Variants in PDE1C observed in about 807,000 individuals in gnomAD.
PDE1C encodes the protein dual specificity calcium/calmodulin-dependent 3',5'-cyclic nucleotide phosphodiesterase 1C.
A neutral mutation model predicts 93.1 loss-of-function variants in PDE1C; 62 were observed. That is an observed-to-expected ratio of 0.67 (90% CI 0.54 to 0.82). PDE1C has a LOEUF of 0.82. Among genes scored for constraint, PDE1C ranks in the 40% least tolerant of loss-of-function variants. The probability of loss-of-function intolerance (pLI) is 0.00; values close to 1 mark genes in which losing one functional copy is unlikely to be tolerated. For synonymous variants in PDE1C, 325 were observed against 310.1 expected (o/e 1.05, Z -0.50); for missense variants, 742 against 884.6 (o/e 0.84, Z 2.04).
chr7:31,917,463 T>C (rs748536318), intron 2 of PDE1C, among the ~76,000 whole-genome samples: 6 of 152,178 alleles, frequency 3.9e-5, no homozygotes, highest in Non-Finnish European at 8.8e-5. Flanking sequence ...TATGTTTCAT[T>C]ACCCTGCCAA....
chr7:31,617,404 C>T, the PDE1C span, among the ~76,000 whole-genome samples: 8 of 152,148 alleles, frequency 5.3e-5, no homozygotes, highest in Admixed American at 5.2e-4. Flanking sequence ...CTGAGGTAGG[C>T]AAGAGAGTCA....
chr7:32,239,578 A>G (rs1431596000), intron 1 of PDE1C, among the ~76,000 whole-genome samples: 2 of 152,244 alleles, frequency 1.3e-5, no homozygotes, highest in African/African-American at 4.8e-5. Context: ...ACAAAAGTGG[A>G]AACTAAAATG....
chr7:31,968,173 C>G (rs942028549), intron 2 of PDE1C, among the ~76,000 whole-genome samples: 1 of 152,182 alleles, frequency 6.6e-6, no homozygotes, highest in African/African-American at 2.4e-5. Context: ...CAAATTGTCC[C>G]TGTTTGCAGA....
chr7:32,382,362 C>T (rs404296), intron 1 of PDE1C, among the ~76,000 whole-genome samples: 151,274 of 152,260 alleles, frequency 0.99, 75,156 homozygotes, highest in Middle Eastern at 1. Flanking sequence ...ATCCCTGTTT[C>T]ACTGTTCAGT....
exon 1 of PDE1C, chr7:32,298,877 T>TG: frequency 7.3e-7 from 1 of 1,373,296 alleles, no homozygotes; most frequent in African/African-American, 1.5e-5. Context: ...CGCCGCGCGC[T>TG]GGCAGCTGAG....
In PDE1C at chr7:31,753,367, C is replaced by G; in HGVS notation, c.*17G>C. 1 of 1,607,248 alleles carries G rather than the reference C, an allele frequency of 6.2e-7. No homozygotes were observed. The highest frequency in any genetic ancestry group is 8.5e-7 in the Non-Finnish European group (1 of 1,176,918). On this transcript the variant is annotated 3_prime_UTR_variant, in exon 18 of 18. Coordinates refer to ENST00000396191, the MANE Select transcript of PDE1C (RefSeq NM_001191057.4). ...ATAGGTAGACCCTCCTTCACTCCCT[C>G]TCTTCTTCCCCTCGGCCTATTTTCT...
At chr7:31,914,731 T>C (rs1002857375) in intron 2 of PDE1C, among the ~76,000 whole-genome samples, 4 of 152,200 alleles carry the variant, frequency 2.6e-5, no homozygotes, top group African/African-American at 9.7e-5. Flanking sequence ...TATAACATGA[T>C]TATCTTGAAT....
At chr7:31,840,631 T>C (rs1429883040) in intron 9 of PDE1C, among the ~76,000 whole-genome samples, 1 of 152,186 alleles carries the variant, frequency 6.6e-6, no homozygotes, top group Non-Finnish European at 1.5e-5. Context: ...GAGTATGGTA[T>C]GTGATAAGGG....
At chr7:31,838,988 T>G (rs1791469921) in intron 9 of PDE1C, among the ~76,000 whole-genome samples, 1 of 148,648 alleles carries the variant, frequency 6.7e-6, no homozygotes, top group South Asian at 2.1e-4. Flanking sequence ...AGTATATATT[T>G]CAAATATTTA....
chr7:31,707,085 C>A, the PDE1C span: 2 of 851,232 alleles, frequency 2.3e-6, no homozygotes, highest in East Asian at 2.8e-5. Context: ...TAGCAGGTAA[C>A]CTTGTAGACA....
chr7:32,377,861 AC>A (rs1201207539), intron 1 of PDE1C, among the ~76,000 whole-genome samples: 1 of 152,082 alleles, frequency 6.6e-6, no homozygotes, highest in Non-Finnish European at 1.5e-5. Flanking sequence ...CAGAGGAAAA[AC>A]CACTGGAGAC....
intron 9 of PDE1C, among the ~76,000 whole-genome samples, chr7:31,844,292 TAAAG>T (rs1471999212): frequency 5.3e-5 from 8 of 151,710 alleles, no homozygotes; most frequent in African/African-American, 1.9e-4. Context: ...GAAACTACCT[TAAAG>T]AAAGCTCTAA....
At chr7:32,185,931 T>G (rs1387056765) in intron 2 of PDE1C, among the ~76,000 whole-genome samples, 1 of 152,212 alleles carries the variant, frequency 6.6e-6, no homozygotes, top group Non-Finnish European at 1.5e-5. Context: ...GTCTAGAGAT[T>G]TGTTAATTTC....
chr7:31,739,599 T>C, the PDE1C span, among the ~76,000 whole-genome samples: 1 of 152,124 alleles, frequency 6.6e-6, no homozygotes, highest in Non-Finnish European at 1.5e-5. Context: ...TTGTCCAAGG[T>C]CACACAGCTA....
At chr7:32,066,927 A>G (rs994381159) in intron 1 of PDE1C, among the ~76,000 whole-genome samples, 1 of 152,224 alleles carries the variant, frequency 6.6e-6, no homozygotes, top group Non-Finnish European at 1.5e-5. Flanking sequence ...TCAGGTGTGC[A>G]GTATTTGTTT....
At chr7:32,008,866 C>T (rs1425809862) in intron 2 of PDE1C, among the ~76,000 whole-genome samples, 4 of 151,950 alleles carry the variant, frequency 2.6e-5, no homozygotes, top group Admixed American at 2.6e-4. Context: ...AGTTTGTTTA[C>T]CTTACGTGTA....
intron 2 of PDE1C, among the ~76,000 whole-genome samples, chr7:31,895,635 T>G (rs1799207041): frequency 6.6e-6 from 1 of 151,200 alleles, no homozygotes; most frequent in Non-Finnish European, 1.5e-5. Context: ...ATGGTTTGGC[T>G]GTGTCCCCAC....
chr7:32,222,973 G>A (rs778906212), intron 1 of PDE1C, among the ~76,000 whole-genome samples: 94 of 152,170 alleles, frequency 6.2e-4, no homozygotes, highest in Middle Eastern at 3.4e-3. Context: ...TAAATCGTGC[G>A]GGCTTCACTT....
Position 31,854,157 on chromosome 7 carries a change from G to C in PDE1C, c.751-3416C>G, listed in dbSNP as rs117135600. Among the ~76,000 whole-genome samples, 634 of 152,214 alleles carry C rather than the reference G, an allele frequency of 4.2e-3. 5 individuals carry two copies. The highest frequency in any genetic ancestry group is 7.2e-3 in the Non-Finnish European group (493 of 68,018). ...GACCAGATGAGGTTGCAGTTAAGGA[G>C]AACAATATGTTAGATGACCTCAACA... is the stretch of plus-strand genomic sequence containing the variant. On this transcript the variant is annotated intron_variant, in intron 7 of 17. Coordinates refer to ENST00000396191, the MANE Select transcript of PDE1C (RefSeq NM_001191057.4).
Sources: allele counts gnomAD v4.1 joint callset (sites outside exome capture counted in the v4.1 genomes callset), GRCh38; gene constraint gnomAD v4.1.1; transcripts MANE v1.5; gene names NCBI Gene and HGNC (gene_info 2026-07-23, HGNC 2026-07-21).